Variants in GRIK2 observed in about 807,000 individuals in gnomAD.
GRIK2 encodes glutamate ionotropic receptor kainate type subunit 2.
In GRIK2, 32 loss-of-function variants were observed where a neutral mutation model predicts 100.3. That is an observed-to-expected ratio of 0.32 (90% CI 0.24 to 0.43). The LOEUF is 0.43. Ranked by LOEUF, GRIK2 falls within the 20% of genes least tolerant of loss-of-function variation. The pLI, the probability that GRIK2 is intolerant of heterozygous loss-of-function variation, is 1.00. For missense variants in GRIK2, 843 were observed against 1,114.9 expected, an observed-to-expected ratio of 0.76 and a Z score of 3.47; for synonymous variants, 417 against 389.4, an observed-to-expected ratio of 1.07 and a Z score of -0.83.
At chr6:101,718,590 C>A (rs1774228998) in intron 7 of GRIK2, among the ~76,000 whole-genome samples, 1 of 151,880 alleles carries the variant, frequency 6.6e-6, no homozygotes, top group African/African-American at 2.4e-5. Context: ...ACCATCATCC[C>A]TCCATTATCT....
intron 4 of GRIK2, among the ~76,000 whole-genome samples, chr6:101,665,325 C>T (rs565701827): frequency 6.6e-6 from 1 of 152,290 alleles, no homozygotes; most frequent in South Asian, 2.1e-4. Context: ...TTCTGTTCTC[C>T]ATGCTGTTTA....
intron 7 of GRIK2, among the ~76,000 whole-genome samples, chr6:101,787,447 T>G (rs1779507730): frequency 6.6e-6 from 1 of 152,116 alleles, no homozygotes; most frequent in Admixed American, 6.6e-5. Context: ...TGCTATAAAC[T>G]TCCCTCTTAA....
At chr6:101,494,024 A>G (rs955486091) in intron 2 of GRIK2, among the ~76,000 whole-genome samples, 143 of 86,842 alleles carry the variant, frequency 1.6e-3, no homozygotes, top group African/African-American at 8.9e-3. Context: ...TATAAAAATT[A>G]TATATATAAT....
chr6:101,814,388 G>C (rs1386367517), intron 9 of GRIK2, among the ~76,000 whole-genome samples: 1 of 152,012 alleles, frequency 6.6e-6, no homozygotes, highest in Non-Finnish European at 1.5e-5. Flanking sequence ...TGGAGGTAAA[G>C]TAAGTGTGAT....
intron 7 of GRIK2, among the ~76,000 whole-genome samples, chr6:101,720,170 G>C (rs1204699716): frequency 6.6e-6 from 1 of 151,584 alleles, no homozygotes; most frequent in Non-Finnish European, 1.5e-5. Context: ...TACAAAAAAG[G>C]GTACTGCATT....
Position 101,859,450 on chromosome 6 carries a change from C to T in GRIK2, c.1481C>T (p.Ala494Val). 3.7e-6 allele frequency: 6 copies of T among 1,608,878 alleles called. No individual in the cohort carries two copies. Among genetic ancestry groups the T allele is most frequent in the Non-Finnish European group, 5.1e-6 (6 of 1,175,848 alleles). ...EDGKYGAQDD[A>V]NGQWNGMVRE... The stretch of plus-strand genomic sequence containing the variant: ...GGGAAATATGGAGCCCAGGATGATG[C>T]CAATGGACAATGGAATGGAATGGTT... The change falls in exon 11 of 17, where the codon GCC becomes GTC. Residue 494 changes from alanine to valine, a missense_variant. By Grantham distance (64) the Ala-to-Val change is moderately conservative. Around this residue, in one of 3 missense-constraint regions of GRIK2, gnomAD observed 519 missense variants for 643.8 expected, o/e 0.81. Coordinates refer to ENST00000369134, the MANE Select transcript of GRIK2 (RefSeq NM_021956.5).
chr6:101,448,156 A>C (rs1473643445), intron 2 of GRIK2, among the ~76,000 whole-genome samples: 3 of 151,590 alleles, frequency 2.0e-5, no homozygotes, highest in Non-Finnish European at 4.4e-5. Context: ...TGTTGTTTTT[A>C]TGTTTTACAT....
chr6:101,411,804 C>A (rs1775894917), intron 2 of GRIK2, among the ~76,000 whole-genome samples: 1 of 152,012 alleles, frequency 6.6e-6, no homozygotes, highest in Admixed American at 6.6e-5. Flanking sequence ...TCCACACAAC[C>A]AACCCCATAG....
chr6:101,581,783 A>G (rs1442577016), intron 2 of GRIK2, among the ~76,000 whole-genome samples: 1 of 152,166 alleles, frequency 6.6e-6, no homozygotes, highest in East Asian at 1.9e-4. Context: ...AAAATACTAA[A>G]TAAAATGTTA....
intron 2 of GRIK2, among the ~76,000 whole-genome samples, chr6:101,527,032 A>G (rs1303278223): frequency 2.0e-5 from 3 of 152,096 alleles, no homozygotes. Context: ...ATGTCCTTTT[A>G]TTGTTGCTTC....
chr6:101,428,326 T>C (rs1188811910), intron 2 of GRIK2, among the ~76,000 whole-genome samples: 2 of 152,184 alleles, frequency 1.3e-5, no homozygotes, highest in Non-Finnish European at 2.9e-5. Flanking sequence ...GCCTTCCTTA[T>C]TGAAGTGAGG....
At chr6:102,052,056 T>C (rs557308839) in intron 15 of GRIK2, among the ~76,000 whole-genome samples, 28 of 152,176 alleles carry the variant, frequency 1.8e-4, no homozygotes, top group Non-Finnish European at 3.5e-4. Flanking sequence ...TGGCTGTTCA[T>C]GTCACAGGGA....
At chr6:102,015,735 G>A (rs1795802072) in intron 14 of GRIK2, among the ~76,000 whole-genome samples, 1 of 152,138 alleles carries the variant, frequency 6.6e-6, no homozygotes, top group Admixed American at 6.5e-5. Context: ...GCTTTGGCTG[G>A]CACCACCCTT....
intron 10 of GRIK2, among the ~76,000 whole-genome samples, chr6:101,849,636 A>G (rs1161486429): frequency 6.6e-6 from 1 of 152,002 alleles, no homozygotes; most frequent in Non-Finnish European, 1.5e-5. Flanking sequence ...CAGTAATAAG[A>G]TATAGAGACT....
Position 101,750,393 on chromosome 6 carries a change from T to G in GRIK2, c.952-49255T>G, listed in dbSNP as rs1027230424. 3.9e-5 allele frequency among the ~76,000 whole-genome samples: 6 copies of G among 152,314 alleles called. No individual in the cohort carries two copies. In the East Asian group the frequency reaches 1.2e-3, roughly 29 times the overall value. Reference sequence around the variant, plus strand: ...TGTGTCCATGATGCTTCCTTTATTTTACCCTTCTCACCGAGGCCCAGATAA... The same window carrying G: ...TGTGTCCATGATGCTTCCTTTATTTGACCCTTCTCACCGAGGCCCAGATAA... On this transcript the variant is annotated intron_variant, in intron 7 of 16. Coordinates refer to ENST00000369134, the MANE Select transcript of GRIK2 (RefSeq NM_021956.5).
chr6:101,510,523 T>TGG, intron 2 of GRIK2, among the ~76,000 whole-genome samples: 1 of 132,272 alleles, frequency 7.6e-6, no homozygotes, highest in East Asian at 2.2e-4. Flanking sequence ...TTTTTTTTTT[T>TGG]TTTTTTTTTT....
At chr6:101,524,963 C>A (rs1348330738) in intron 2 of GRIK2, among the ~76,000 whole-genome samples, 1 of 152,052 alleles carries the variant, frequency 6.6e-6, no homozygotes, top group Non-Finnish European at 1.5e-5. Context: ...GAACTCCTGA[C>A]TTCAGGCGAT....
chr6:101,998,818 T>TC, intron 14 of GRIK2, among the ~76,000 whole-genome samples: 1 of 144,324 alleles, frequency 6.9e-6, no homozygotes, highest in South Asian at 2.2e-4. Flanking sequence ...TTTTCTTTTT[T>TC]TTTTTTTTTT....
intron 2 of GRIK2, among the ~76,000 whole-genome samples, chr6:101,491,226 C>G (rs1487548541): frequency 6.8e-6 from 1 of 147,570 alleles, no homozygotes; most frequent in Non-Finnish European, 1.5e-5. Context: ...AACAAGAAAT[C>G]AGTTTGTTTG....
Sources: gnomAD v4.1 joint callset for allele counts (sites outside exome capture counted in the v4.1 genomes callset) on GRCh38, gnomAD v4.1.1 for gene constraint, gnomAD v4.1.1 regional missense constraint, MANE v1.5 for transcripts, NCBI Gene and HGNC (gene_info 2026-07-23, HGNC 2026-07-21) for gene names.